ROBO1: variants seen among roughly 807,000 people sequenced by gnomAD.
ROBO1 encodes roundabout homolog 1.
ROBO1 carries 149 observed loss-of-function variants against 195.9 expected under a neutral mutation model. The ratio of observed to expected loss-of-function variants is 0.76; its 90% CI spans 0.67 to 0.87. The LOEUF is 0.87. ROBO1 is among the 40% of genes least tolerant of loss of function. The pLI is 0.00. For synonymous variants in ROBO1, 816 were observed against 733.2 expected, an observed-to-expected ratio of 1.11 and a Z score of -1.82; for missense variants, 1,933 against 2,068.3, an observed-to-expected ratio of 0.93 and a Z score of 1.27.
intron 2 of ROBO1, among the ~76,000 whole-genome samples, chr3:79,186,397 T>C (rs1207654418): frequency 6.6e-6 from 1 of 152,002 alleles, no homozygotes; most frequent in Non-Finnish European, 1.5e-5. Context: ...TATATACATG[T>C]CTACAAACAC....
chr3:78,688,829 T>A, intron 8 of ROBO1, 57 bp from the exon 9 acceptor site: 1 of 1,528,716 alleles, frequency 6.5e-7, no homozygotes, highest in Non-Finnish European at 8.9e-7. Context: ...TTGTCCTAAT[T>A]GAGACAATCT....
At chr3:78,884,500 C>T (rs1247451613) in intron 4 of ROBO1, among the ~76,000 whole-genome samples, 1 of 150,884 alleles carries the variant, frequency 6.6e-6, no homozygotes, top group African/African-American at 2.4e-5. Flanking sequence ...CATCTGTCAT[C>T]CCAGCTACTC....
At chr3:78,964,216 C>T (rs1469293110) in intron 3 of ROBO1, among the ~76,000 whole-genome samples, 4 of 152,180 alleles carry the variant, frequency 2.6e-5, no homozygotes, top group Non-Finnish European at 4.4e-5. Context: ...AGGGCCCACC[C>T]TAATGACCTC....
chr3:79,099,349 G>A (rs1015367992), intron 3 of ROBO1, among the ~76,000 whole-genome samples: 3 of 151,704 alleles, frequency 2.0e-5, no homozygotes, highest in African/African-American at 7.3e-5. Context: ...ATGGGAAGGA[G>A]ACAGATAGAT....
At chr3:79,412,909 T>C (rs2037839294) in intron 2 of ROBO1, among the ~76,000 whole-genome samples, 3 of 114,706 alleles carry the variant, frequency 2.6e-5, no homozygotes, top group Non-Finnish European at 5.5e-5. Context: ...TTTTTTTTTT[T>C]AGTAAATAAG....
At chr3:79,605,616 G>A (rs954101536) in intron 1 of ROBO1, among the ~76,000 whole-genome samples, 1 of 151,662 alleles carries the variant, frequency 6.6e-6, no homozygotes, top group Non-Finnish European at 1.5e-5. Context: ...CAACTTCCAC[G>A]TCCCAGCCAT....
intron 1 of ROBO1, among the ~76,000 whole-genome samples, chr3:79,714,031 G>A (rs1702379539): frequency 6.6e-6 from 1 of 152,082 alleles, no homozygotes; most frequent in African/African-American, 2.4e-5. Context: ...GTAGCATGAT[G>A]CCTCCAGTTT....
At chr3:79,378,596 C>T (rs1411151389) in intron 2 of ROBO1, among the ~76,000 whole-genome samples, 1 of 152,162 alleles carries the variant, frequency 6.6e-6, no homozygotes, top group Non-Finnish European at 1.5e-5. Flanking sequence ...TTTAGCTCTT[C>T]CAATCTTTTT....
chr3:79,661,324 C>T (rs1946322457), intron 1 of ROBO1, among the ~76,000 whole-genome samples: 1 of 152,016 alleles, frequency 6.6e-6, no homozygotes, highest in Non-Finnish European at 1.5e-5. Context: ...AAAAATACAC[C>T]TTAATAAGCA....
At chr3:79,207,363 A>C (rs769943153) in intron 2 of ROBO1, among the ~76,000 whole-genome samples, 2 of 152,072 alleles carry the variant, frequency 1.3e-5, no homozygotes, top group Non-Finnish European at 2.9e-5. Flanking sequence ...CTAACCTATA[A>C]ATTCTTTCAA....
At chr3:79,031,626 AT>A (rs1559607521) in intron 3 of ROBO1, among the ~76,000 whole-genome samples, 3 of 152,246 alleles carry the variant, frequency 2.0e-5, no homozygotes, top group Non-Finnish European at 4.4e-5. Context: ...AGTGAAGAGC[AT>A]AATAGTTCTC....
At chr3:79,313,606 G>A (rs369828379) in intron 2 of ROBO1, among the ~76,000 whole-genome samples, 1 of 152,072 alleles carries the variant, frequency 6.6e-6, no homozygotes, top group Admixed American at 6.6e-5. Flanking sequence ...ATTATATATT[G>A]ATCTTTCAAT....
chr3:79,111,850 G>T lies in ROBO1; in HGVS notation c.172+13606C>A, dbSNP rs549730930. On this transcript the variant is annotated intron_variant, in intron 3 of 30. Coordinates refer to ENST00000464233, the MANE Select transcript of ROBO1 (RefSeq NM_002941.4). ...TGACTAATAAAACTTAGACACAAATGATGTTTTAGTAAATAAGGTTTAGAT... is the reference window on the plus strand; with the variant it reads ...TGACTAATAAAACTTAGACACAAATTATGTTTTAGTAAATAAGGTTTAGAT... Among the ~76,000 whole-genome samples the T allele has an allele frequency of 1.1e-3, 160 of 152,254 alleles. 1 individual carries two copies. The highest frequency in any genetic ancestry group is 6.8e-3 in the Middle Eastern group (2 of 294).
chr3:79,250,013 A>G (rs1282286050), intron 2 of ROBO1, among the ~76,000 whole-genome samples: 1 of 152,212 alleles, frequency 6.6e-6, no homozygotes, highest in Non-Finnish European at 1.5e-5. Flanking sequence ...GGAGAAGACC[A>G]GGGAAGTAAT....
intron 1 of ROBO1, among the ~76,000 whole-genome samples, chr3:79,663,518 C>G (rs1171434566): frequency 2.6e-5 from 4 of 151,906 alleles, no homozygotes; most frequent in African/African-American, 9.7e-5. Context: ...TACATGTTCA[C>G]TTACTATTTT....
intron 1 of ROBO1, among the ~76,000 whole-genome samples, chr3:79,684,242 G>T (rs1947034327): frequency 6.6e-6 from 1 of 152,114 alleles, no homozygotes; most frequent in African/African-American, 2.4e-5. Context: ...AGCATTGTCA[G>T]CACTTCTTTT....
intron 1 of ROBO1, among the ~76,000 whole-genome samples, chr3:79,696,076 T>C (rs1947439509): frequency 6.6e-6 from 1 of 151,484 alleles, no homozygotes; most frequent in African/African-American, 2.4e-5. Flanking sequence ...GGGTTTTTTG[T>C]TCACTAAAAT....
intron 2 of ROBO1, among the ~76,000 whole-genome samples, chr3:79,455,369 A>G (rs532788701): frequency 2.2e-4 from 33 of 152,218 alleles, no homozygotes; most frequent in Non-Finnish European, 2.9e-4. Context: ...CTACTTTTTT[A>G]TAGGACAAGA....
chr3:79,074,532 C>A (rs934781034), intron 3 of ROBO1, among the ~76,000 whole-genome samples: 1 of 151,796 alleles, frequency 6.6e-6, no homozygotes, highest in African/African-American at 2.4e-5. Context: ...GATCCTCCCA[C>A]CTCAGCCCCT....
Sources: gnomAD v4.1 joint callset for allele counts (sites outside exome capture counted in the v4.1 genomes callset) on GRCh38, gnomAD v4.1.1 for gene constraint, MANE v1.5 for transcripts, NCBI Gene and HGNC (gene_info 2026-07-23, HGNC 2026-07-21) for gene names.